The following RPH3AL variants were observed in gnomAD, a reference collection of about 807,000 sequenced individuals.
The protein encoded by RPH3AL is rabphilin 3A like (without C2 domains).
Under a neutral mutation model 43.1 loss-of-function variants are expected in RPH3AL, and 38 were observed. The observed-to-expected ratio is 0.88, with a 90% CI of 0.68 to 1.15. The LOEUF (loss-of-function observed/expected upper bound fraction) is 1.15, where lower values mean the gene tolerates loss of function less well. RPH3AL is among the 50% of genes most tolerant of loss of function. RPH3AL has a pLI of 0.00. For missense variants in RPH3AL, 462 were observed against 423.2 expected (o/e 1.09, Z -0.81); for synonymous variants, 189 against 176.3 (o/e 1.07, Z -0.57).
chr17:280,321 A>T (rs1007581547), intron 6 of RPH3AL, among the ~76,000 whole-genome samples: 21 of 152,184 alleles, frequency 1.4e-4, no homozygotes, highest in Admixed American at 1.0e-3. Flanking sequence ...AAGGAGGCTG[A>T]AAACAGCAGG....
chr17:339,778 C>G (rs866179046), intron 1 of RPH3AL: 1 of 152,254 alleles, frequency 6.6e-6, no homozygotes, highest in Non-Finnish European at 1.5e-5. Flanking sequence ...GGGTATTCTC[C>G]GAGCACCTGC....
chr17:296,598 C>T (rs1486058779), intron 5 of RPH3AL, among the ~76,000 whole-genome samples: 3 of 152,204 alleles, frequency 2.0e-5, no homozygotes, highest in South Asian at 2.1e-4. Context: ...GAGTCCCTCA[C>T]GAGCTCGTTT....
intron 1 of RPH3AL, among the ~76,000 whole-genome samples, chr17:348,319 G>A (rs1225801876): frequency 1.3e-5 from 2 of 152,120 alleles, no homozygotes; most frequent in African/African-American, 4.8e-5. Flanking sequence ...CTTACACATT[G>A]GTTGAAGTCC....
intron 5 of RPH3AL, among the ~76,000 whole-genome samples, chr17:282,609 A>C (rs982638488): frequency 6.6e-6 from 1 of 152,264 alleles, no homozygotes; most frequent in Non-Finnish European, 1.5e-5. Context: ...GATTAAGCTC[A>C]TAACTTATAA....
intron 1 of RPH3AL, among the ~76,000 whole-genome samples, chr17:349,838 G>C (rs1438580358): frequency 6.6e-6 from 1 of 152,102 alleles, no homozygotes; most frequent in Non-Finnish European, 1.5e-5. Context: ...TGACATTTCT[G>C]TAACACCTTA....
chr17:330,705 G>A (rs947030494), intron 2 of RPH3AL, among the ~76,000 whole-genome samples: 13 of 152,104 alleles, frequency 8.5e-5, no homozygotes, highest in Middle Eastern at 3.4e-3. Context: ...GAGAAACCCC[G>A]TCTCCACTAA....
rs370194292 is a variant in RPH3AL, at chr17:215,694, G to A, written c.836C>T (p.Pro279Leu). The change falls in exon 9 of 10, where the codon CCG (proline) becomes CTG (leucine). Residue 279 changes from proline (P) to leucine (L), a missense_variant. Pro to Leu is a moderately conservative substitution (Grantham distance 98). Coordinates refer to ENST00000331302, the MANE Select transcript of RPH3AL (RefSeq NM_006987.4). The surrounding 1 kb of genome is among the most constrained non-coding windows in gnomAD (Gnocchi z 4.1). ...CAGCCCGGGGCGGGGTCCCCCTGGC[G>A]GGTCAGCAGAGCCTGTCCCCGTCTC... ...SGETGTGSAD[P>L]PGGPRPGLTR... The A allele has an allele frequency of 5.0e-4, 631 of 1,274,586 alleles. 1 individual carries two copies. Among genetic ancestry groups the A allele is most frequent in the Middle Eastern group, 8.9e-4 (3 of 3,354 alleles). 79.0% of individuals were successfully genotyped at this position (1,274,586 alleles called of 1,614,324 possible). A position where few individuals can be genotyped will look rare whatever the true frequency, so the allele number is the denominator to read the frequency against.
intron 7 of RPH3AL, among the ~76,000 whole-genome samples, chr17:221,653 C>G (rs1555531004): frequency 1.4e-5 from 2 of 145,768 alleles, no homozygotes; most frequent in African/African-American, 5.4e-5. Flanking sequence ...CTCACTGAGA[C>G]AATAGACCCA....
chr17:302,060 C>G (rs149293899), intron 5 of RPH3AL, among the ~76,000 whole-genome samples: 1 of 152,242 alleles, frequency 6.6e-6, no homozygotes, highest in Non-Finnish European at 1.5e-5. Flanking sequence ...GGGCGGCAAA[C>G]CTGCCACAGC....
intron 7 of RPH3AL, among the ~76,000 whole-genome samples, chr17:239,028 C>G (rs988817615): frequency 1.3e-5 from 2 of 152,120 alleles, no homozygotes; most frequent in Admixed American, 1.3e-4. Context: ...AGAGGCAGAC[C>G]CTGTGACCAG....
At chr17:320,411 G>T (rs574231965) in intron 4 of RPH3AL, among the ~76,000 whole-genome samples, 1 of 152,190 alleles carries the variant, frequency 6.6e-6, no homozygotes, top group South Asian at 2.1e-4. Flanking sequence ...TGAGGCAGGC[G>T]GATCGCTTGA....
rs962893597 is a variant in RPH3AL at position 215,920 on chromosome 17, A to G, written c.728-118T>C. ...GATGTCTGCCCCCCACCCCACCCAC[A>G]TGGCTGCCAGGCTCTGGCCTGACCT... On this transcript the variant is annotated intron_variant, in intron 8 of 9. Coordinates refer to ENST00000331302, the MANE Select transcript of RPH3AL (RefSeq NM_006987.4). This position sits in a 1 kb window ranked among gnomAD's most constrained non-coding sequence, Gnocchi z 4.1. 480 of 1,019,812 alleles carry G rather than the reference A, an allele frequency of 4.7e-4. 3 individuals are homozygous for G. The highest frequency in any genetic ancestry group is 8.5e-4 in the Admixed American group (22 of 25,972). 63.2% of individuals were successfully genotyped at this position (1,019,812 alleles called of 1,614,324 possible).
At chr17:270,347 G>A (rs576259242) in intron 6 of RPH3AL, among the ~76,000 whole-genome samples, 5 of 152,352 alleles carry the variant, frequency 3.3e-5, no homozygotes, top group Middle Eastern at 3.4e-3. Context: ...CCGCCTGCCC[G>A]GGAAGCAGGT....
chr17:321,786 C>T (rs1257159610), intron 3 of RPH3AL, among the ~76,000 whole-genome samples: 7 of 151,614 alleles, frequency 4.6e-5, no homozygotes, highest in Non-Finnish European at 8.9e-5. Context: ...AGGCTCCAAG[C>T]GCCAGCCCTG....
intron 5 of RPH3AL, among the ~76,000 whole-genome samples, chr17:294,225 C>T (rs538473468): frequency 5.3e-5 from 8 of 151,918 alleles, no homozygotes; most frequent in Admixed American, 4.6e-4. Flanking sequence ...CGTACAAACG[C>T]CAGCATGGGA....
chr17:311,928 A>G (rs549106631), intron 5 of RPH3AL, among the ~76,000 whole-genome samples: 122 of 152,272 alleles, frequency 8.0e-4, no homozygotes, highest in Non-Finnish European at 1.5e-3. Flanking sequence ...CTGTATTTGG[A>G]GAGAAGGTCT....
Position 327,478 on chromosome 17 carries a change from G to A in RPH3AL, c.66C>T (p.Ala22=). ...CCAGAGGTACTCACTTGGCTCGAAG[G>A]GCAAGCTGCCGGTCATTGGGGCAAA... ...QWVCPNDRQL[A]LRAKLQTGWS... The change falls in exon 3 of 10, where the codon GCC becomes GCT. Residue 22 remains alanine (A), a synonymous_variant. Coordinates refer to ENST00000331302, the MANE Select transcript of RPH3AL (RefSeq NM_006987.4). 6.2e-7 allele frequency: 1 copy of A among 1,613,914 alleles called. No individual in the cohort carries two copies. Among genetic ancestry groups the A allele is most frequent in the Non-Finnish European group, 8.5e-7 (1 of 1,179,950 alleles).
intron 5 of RPH3AL, among the ~76,000 whole-genome samples, chr17:318,860 G>C (rs769674088): frequency 6.6e-6 from 1 of 152,194 alleles, no homozygotes; most frequent in African/African-American, 2.4e-5. Context: ...AGGACCAATG[G>C]AACAGAAAGT....
intron 2 of RPH3AL, chr17:332,657 T>C (rs1052969051): frequency 8.7e-6 from 2 of 229,418 alleles, no homozygotes; most frequent in African/African-American, 4.4e-5. Flanking sequence ...CTAACCAGGC[T>C]CTGCGACTTG....
Sources: gnomAD v4.1 joint callset for allele counts (sites outside exome capture counted in the v4.1 genomes callset) on GRCh38, gnomAD v4.1.1 for gene constraint, Gnocchi (gnomAD v3.1) non-coding constraint, MANE v1.5 for transcripts, NCBI Gene and HGNC (gene_info 2026-07-23, HGNC 2026-07-21) for gene names.